WWOX: variants seen among roughly 807,000 people sequenced by gnomAD.
WWOX encodes the protein WW domain-containing oxidoreductase.
WWOX carries 69 observed loss-of-function variants against 46.2 expected under a neutral mutation model. That is an observed-to-expected ratio of 1.49 (90% CI 1.23 to 1.82). The LOEUF (loss-of-function observed/expected upper bound fraction) is 1.82. WWOX is among the 40% of genes most tolerant of loss of function. WWOX has a pLI of 0.00. For synonymous variants in WWOX, 359 were observed against 202.6 expected (o/e 1.77, Z -6.56); for missense variants, 919 against 542.6 (o/e 1.69, Z -6.89).
chr16:78,486,559 AGTTTTGTTTTGTTTTGTTTT>A (rs541455368), intron 8 of WWOX, among the ~76,000 whole-genome samples: 1 of 137,584 alleles, frequency 7.3e-6, no homozygotes, highest in Non-Finnish European at 1.6e-5. Context: ...ATTGACTTCC[AGTTTTGTTTTGTTTTGTTTT>A]GTTTTGTTTT....
At chr16:79,143,230 C>G (rs954341305) in intron 8 of WWOX, among the ~76,000 whole-genome samples, 1 of 152,148 alleles carries the variant, frequency 6.6e-6, no homozygotes, top group Non-Finnish European at 1.5e-5. Flanking sequence ...TCCCTGCTTC[C>G]CCCTCCTGGA....
intron 8 of WWOX, among the ~76,000 whole-genome samples, chr16:79,089,811 A>G (rs2048921301): frequency 6.6e-6 from 1 of 151,358 alleles, no homozygotes. Context: ...CTGAGAAGGA[A>G]CCTTTTCATT....
intron 8 of WWOX, chr16:78,691,410 C>T (rs1010210881): frequency 1.4e-5 from 9 of 640,818 alleles, no homozygotes; most frequent in Admixed American, 4.7e-5. Context: ...CTTTAGAAAA[C>T]ATCTGGCTGG....
intron 8 of WWOX, among the ~76,000 whole-genome samples, chr16:78,777,259 C>A (rs1172480053): frequency 6.6e-6 from 1 of 151,982 alleles, no homozygotes; most frequent in African/African-American, 2.4e-5. Flanking sequence ...TTCCTCTGTG[C>A]CTCTCAGGTG....
chr16:78,400,155 T>C (rs886376905), intron 6 of WWOX, among the ~76,000 whole-genome samples: 14 of 152,224 alleles, frequency 9.2e-5, no homozygotes, highest in Non-Finnish European at 1.6e-4. Flanking sequence ...ACTCCTGTTA[T>C]AGTTCGGTCA....
In WWOX at chr16:78,704,121, G is replaced by A. The variant is rs541562192; in HGVS notation, c.1056+271369G>A. The stretch of plus-strand genomic sequence containing the variant: ...TCCACCCAGCACGTCATGGTGGAAA[G>A]GGGCAGGCTGTGATTTTTTTTTTTT... On this transcript the variant is annotated intron_variant, in intron 8 of 8. Coordinates refer to ENST00000566780, the MANE Select transcript of WWOX (RefSeq NM_016373.4). 6.1e-4 allele frequency among the ~76,000 whole-genome samples: 92 copies of A among 152,034 alleles called. 1 individual carries two copies. The South Asian group carries it at 7.5e-3, about 12-fold the overall frequency.
At chr16:79,160,470 TAATATC>T (rs80326115) in intron 8 of WWOX, among the ~76,000 whole-genome samples, 2,173 of 152,202 alleles carry the variant, frequency 0.014, 19 homozygotes, top group African/African-American at 0.025. Context: ...CCCTCGATAT[TAATATC>T]AATAAGAGCC....
intron 5 of WWOX, among the ~76,000 whole-genome samples, chr16:78,385,693 T>C (rs2082046574): frequency 6.6e-6 from 1 of 152,166 alleles, no homozygotes; most frequent in Non-Finnish European, 1.5e-5. Context: ...AGCAGTGCCA[T>C]TTGCATCCCC....
chr16:79,148,559 T>G (rs1417003985), intron 8 of WWOX, among the ~76,000 whole-genome samples: 1 of 152,170 alleles, frequency 6.6e-6, no homozygotes, highest in Non-Finnish European at 1.5e-5. Context: ...CTGTGCTTTT[T>G]CATATAAATT....
intron 5 of WWOX, among the ~76,000 whole-genome samples, chr16:78,352,540 C>G (rs1412280682): frequency 6.6e-6 from 1 of 152,176 alleles, no homozygotes; most frequent in East Asian, 1.9e-4. Flanking sequence ...TGCCCTGTTC[C>G]TGGTTCTCTC....
At chr16:78,253,971 G>T (rs78135079) in intron 5 of WWOX, among the ~76,000 whole-genome samples, 1,651 of 152,242 alleles carry the variant, frequency 0.011, 28 homozygotes, top group African/African-American at 0.037. Flanking sequence ...GAAGCTCATC[G>T]CATAGCTGCT....
Position 78,516,168 on chromosome 16 carries a change from C to T in WWOX, c.1056+83416C>T, listed in dbSNP as rs78527425. 4.5e-3 allele frequency among the ~76,000 whole-genome samples: 687 copies of T among 152,258 alleles called. 5 individuals carry two copies. The highest frequency in any genetic ancestry group is 0.015 in the African/African-American group (641 of 41,554). On this transcript the variant is annotated intron_variant, in intron 8 of 8. Coordinates refer to ENST00000566780, the MANE Select transcript of WWOX (RefSeq NM_016373.4). ...TGCCCAGGCCAGAAGTACCTGCTGC[C>T]CAAGACCACAGCTGACAGCGCCCCG... is the stretch of plus-strand genomic sequence containing the variant.
At chr16:79,020,414 C>G (rs565047588) in intron 8 of WWOX, among the ~76,000 whole-genome samples, 2 of 152,282 alleles carry the variant, frequency 1.3e-5, no homozygotes, top group South Asian at 2.1e-4. Flanking sequence ...TGAGCGATAA[C>G]TTAACCTCTT....
At chr16:79,166,191 A>G (rs1435552380) in intron 8 of WWOX, among the ~76,000 whole-genome samples, 1 of 152,178 alleles carries the variant, frequency 6.6e-6, no homozygotes, top group Non-Finnish European at 1.5e-5. Flanking sequence ...ATGAAATTAT[A>G]AAGAAATTGA....
At chr16:78,854,961 T>C (rs1011762481) in intron 8 of WWOX, among the ~76,000 whole-genome samples, 7 of 151,964 alleles carry the variant, frequency 4.6e-5, no homozygotes, top group African/African-American at 1.7e-4. Flanking sequence ...TTTATTTTCT[T>C]AGTGAAGTAA....
At chr16:78,567,298 C>T (rs141659962) in intron 8 of WWOX, among the ~76,000 whole-genome samples, 2,702 of 152,050 alleles carry the variant, frequency 0.018, 47 homozygotes, top group Admixed American at 0.042. Context: ...GTAATCCCAG[C>T]ACTTTGGGAG....
chr16:78,364,771 C>T (rs560212221), intron 5 of WWOX, among the ~76,000 whole-genome samples: 8 of 152,306 alleles, frequency 5.3e-5, no homozygotes, highest in African/African-American at 1.7e-4. Flanking sequence ...TGTATGTCTG[C>T]ACTTCCAGGG....
chr16:78,643,969 T>C (rs1183234834), intron 8 of WWOX, among the ~76,000 whole-genome samples: 1 of 152,132 alleles, frequency 6.6e-6, no homozygotes, highest in Non-Finnish European at 1.5e-5. Context: ...ACGCCTGTAA[T>C]CCCAGCGCTT....
At chr16:78,771,899 T>C (rs1385885003) in intron 8 of WWOX, among the ~76,000 whole-genome samples, 1 of 152,214 alleles carries the variant, frequency 6.6e-6, no homozygotes, top group Non-Finnish European at 1.5e-5. Context: ...AATTTTGTGT[T>C]ACATACATTG....
Sources: allele counts gnomAD v4.1 joint callset (sites outside exome capture counted in the v4.1 genomes callset), GRCh38; gene constraint gnomAD v4.1.1; transcripts MANE v1.5; gene names NCBI Gene and HGNC (gene_info 2026-07-23, HGNC 2026-07-21).